The following CLMN variants were observed in gnomAD, a reference collection of about 807,000 sequenced individuals.
The protein encoded by CLMN is calmin, also known as calmin (calponin-like, transmembrane).
CLMN carries 57 observed loss-of-function variants against 92.7 expected under a neutral mutation model. That is an observed-to-expected ratio of 0.61 (90% CI 0.50 to 0.77). CLMN has a LOEUF of 0.77. Among genes scored for constraint, CLMN ranks in the 30% least tolerant of loss-of-function variants. The probability of loss-of-function intolerance (pLI) is 0.00; values close to 1 mark genes in which losing one functional copy is unlikely to be tolerated. For synonymous variants in CLMN, 466 were observed against 470.6 expected (o/e 0.99, Z 0.13); for missense variants, 1,158 against 1,237.5 (o/e 0.94, Z 0.96).
chr14:95,232,784 C>T (rs1334811532), intron 1 of CLMN, among the ~76,000 whole-genome samples: 1 of 152,160 alleles, frequency 6.6e-6, no homozygotes, highest in Non-Finnish European at 1.5e-5. Flanking sequence ...GATCCTTCCA[C>T]TTTGCAATAT....
intron 1 of CLMN, among the ~76,000 whole-genome samples, chr14:95,233,765 G>C (rs113116489): frequency 0.028 from 4,234 of 152,288 alleles, 100 homozygotes; most frequent in Non-Finnish European, 0.044. Context: ...AACAAGGCGG[G>C]GGGTGGCCAC....
chr14:95,222,956 C>T (rs1021951281), intron 3 of CLMN, among the ~76,000 whole-genome samples: 1 of 152,234 alleles, frequency 6.6e-6, no homozygotes, highest in Non-Finnish European at 1.5e-5. Context: ...CCCGTTGCTG[C>T]ACCTCTGTTT....
At chr14:95,303,949 C>A (rs1277216325) in intron 1 of CLMN, among the ~76,000 whole-genome samples, 1 of 152,124 alleles carries the variant, frequency 6.6e-6, no homozygotes, top group Non-Finnish European at 1.5e-5. Flanking sequence ...AATAAACCCT[C>A]AACGATGGCA....
intron 1 of CLMN, among the ~76,000 whole-genome samples, chr14:95,299,210 C>T (rs1173024220): frequency 1.3e-5 from 2 of 152,118 alleles, no homozygotes; most frequent in African/African-American, 4.8e-5. Flanking sequence ...TCCCCCCAAC[C>T]CCACCACCAC....
chr14:95,281,137 G>A (rs12431756), intron 1 of CLMN, among the ~76,000 whole-genome samples: 11,411 of 152,200 alleles, frequency 0.075, 1,154 homozygotes, highest in East Asian at 0.42. Flanking sequence ...GTTCTGACAG[G>A]CCCAGGAGCC....
In CLMN at chr14:95,256,765, A is replaced by C. The variant is rs956054152; in HGVS notation, c.83-26632T>G. On this transcript the variant is annotated intron_variant, in intron 1 of 12. Transcript: ENST00000298912. The surrounding 1 kb of genome is among the most constrained non-coding windows in gnomAD (Gnocchi z 4.9). ...AATGTAGGGCCCTGGTCCACATTGCACCGGGAAAACAGACATGGGGAAACT... is the reference window on the plus strand; with the variant it reads ...AATGTAGGGCCCTGGTCCACATTGCCCCGGGAAAACAGACATGGGGAAACT... Among the ~76,000 whole-genome samples the C allele has an allele frequency of 1.3e-5, 2 of 152,208 alleles. No homozygotes were observed. The highest frequency in any genetic ancestry group is 2.4e-5 in the African/African-American group (1 of 41,444).
At chr14:95,251,046 A>G (rs1898762958) in intron 1 of CLMN, among the ~76,000 whole-genome samples, 1 of 150,960 alleles carries the variant, frequency 6.6e-6, no homozygotes, top group African/African-American at 2.4e-5. Context: ...GCCAAACATC[A>G]CCTCCTCTAA....
chr14:95,255,130 G>T (rs1432734561), intron 1 of CLMN, among the ~76,000 whole-genome samples: 1 of 152,104 alleles, frequency 6.6e-6, no homozygotes, highest in African/African-American at 2.4e-5. Context: ...TGAGAGGAGG[G>T]GCAGGGGACG....
Position 95,230,109 on chromosome 14 carries a change from C to G in CLMN, c.107G>C (p.Arg36Thr). Reference sequence around the variant, plus strand: ...TAGATTTATCCATCGTGTAAAGGTCCTCTTCTGCACATTTTCCCTCTCAAC... The same window carrying G: ...TAGATTTATCCATCGTGTAAAGGTCGTCTTCTGCACATTTTCCCTCTCAAC... ...LQVERENVQK[R>T]TFTRWINLHL... Residue 36 changes from arginine (R) to threonine (T), a missense_variant, in exon 2 of 13, where the codon AGG (arginine) becomes ACG (threonine). Physicochemically the swap from Arg to Thr is moderately conservative, Grantham distance 71. Coordinates refer to ENST00000298912, the MANE Select transcript of CLMN (RefSeq NM_024734.4). 1 of 1,614,236 alleles carries G rather than the reference C, an allele frequency of 6.2e-7. No homozygotes were observed. The highest frequency in any genetic ancestry group is 8.5e-7 in the Non-Finnish European group (1 of 1,180,044).
At chr14:95,260,753 T>C (rs1035714939) in intron 1 of CLMN, among the ~76,000 whole-genome samples, 3 of 152,200 alleles carry the variant, frequency 2.0e-5, no homozygotes, top group African/African-American at 7.2e-5. Context: ...GGAAGTGTCT[T>C]TGACTCAGGT....
At position 95,227,492 on chromosome 14, in the gene CLMN, G is replaced by A. The variant is rs139721541; in HGVS notation, c.144+2580C>T. ...ATGCGAGGCAGAAAACGCGAGACCC[G>A]AACGGAATACCCCCTGATAAATGGA... is the stretch of plus-strand genomic sequence containing the variant. On this transcript the variant is annotated intron_variant, in intron 2 of 12. Transcript: ENST00000298912. 2.6e-3 allele frequency among the ~76,000 whole-genome samples: 397 copies of A among 152,246 alleles called. 2 individuals are homozygous for A. Among genetic ancestry groups the A allele is most frequent in the Admixed American group, 4.5e-3 (69 of 15,294 alleles).
At chr14:95,276,250 T>C (rs946678543) in intron 1 of CLMN, among the ~76,000 whole-genome samples, 1 of 152,172 alleles carries the variant, frequency 6.6e-6, no homozygotes, top group African/African-American at 2.4e-5. Context: ...AAGGATGGAA[T>C]TGGGCTGGGA....
chr14:95,307,995 T>C (rs1185869913), intron 1 of CLMN, among the ~76,000 whole-genome samples: 2 of 152,320 alleles, frequency 1.3e-5, no homozygotes, highest in East Asian at 1.9e-4. Flanking sequence ...AATGACATAA[T>C]GGGGATGGCT....
At chr14:95,282,633 G>A (rs1363015930) in intron 1 of CLMN, among the ~76,000 whole-genome samples, 1 of 152,180 alleles carries the variant, frequency 6.6e-6, no homozygotes, top group East Asian at 1.9e-4. Context: ...CTATGCAGAG[G>A]GCAGGCAAAA....
intron 1 of CLMN, among the ~76,000 whole-genome samples, chr14:95,279,409 T>G (rs1378568088): frequency 1.3e-5 from 2 of 152,256 alleles, no homozygotes; most frequent in African/African-American, 4.8e-5. Context: ...GAGTTAGCCA[T>G]GCCCCTGGCT....
intron 1 of CLMN, among the ~76,000 whole-genome samples, chr14:95,292,101 G>T (rs975792273): frequency 6.6e-6 from 1 of 152,210 alleles, no homozygotes; most frequent in Non-Finnish European, 1.5e-5. Flanking sequence ...CAGATAGGGG[G>T]ACTGAGGCAT....
chr14:95,295,372 G>A (rs1900759392), intron 1 of CLMN, among the ~76,000 whole-genome samples: 1 of 152,214 alleles, frequency 6.6e-6, no homozygotes, highest in African/African-American at 2.4e-5. Context: ...GCCAGGCATT[G>A]TGCCAGCTGG....
rs770926199 is a variant in CLMN, at chr14:95,202,919, G to T, written c.2430C>A (p.Ala810=). 1.9e-6 allele frequency: 3 copies of T among 1,601,056 alleles called. No homozygotes were observed. In the East Asian group the frequency reaches 6.7e-5, roughly 36 times the overall value. The change falls in exon 9 of 13, where the codon GCC becomes GCA. Residue 810 remains alanine (A), a synonymous_variant. Transcript: ENST00000298912. Reference sequence around the variant, plus strand: ...GGGGGGCCAGTGGAGCGGGTTCTGAGGCTGGTGTGGTACCCACACCACCCC... The same window carrying T: ...GGGGGGCCAGTGGAGCGGGTTCTGATGCTGGTGTGGTACCCACACCACCCC... The part of the protein sequence containing the change: ...LSRGGVGTTP[A]SEPAPLAPHE...
intron 1 of CLMN, among the ~76,000 whole-genome samples, chr14:95,245,174 T>C (rs189691494): frequency 1.8e-4 from 9 of 50,438 alleles, no homozygotes; most frequent in South Asian, 1.2e-3. Flanking sequence ...ACTGGTTATA[T>C]TATATATATA....
Sources: allele counts gnomAD v4.1 joint callset (sites outside exome capture counted in the v4.1 genomes callset), GRCh38; gene constraint gnomAD v4.1.1; non-coding constraint Gnocchi (gnomAD v3.1); transcripts MANE v1.5; gene names NCBI Gene and HGNC (gene_info 2026-07-23, HGNC 2026-07-21).